Variants in COCH observed in about 807,000 individuals in gnomAD.
COCH encodes the protein coagulation factor C homolog, cochlin (Limulus polyphemus).
A neutral mutation model predicts 54.8 loss-of-function variants in COCH; 40 were observed. That is an observed-to-expected ratio of 0.73 (90% CI 0.57 to 0.95). COCH has a LOEUF of 0.95. Among genes scored for constraint, COCH ranks in the 40% least tolerant of loss-of-function variants. The pLI, the probability that COCH is intolerant of heterozygous loss-of-function variation, is 0.00. For missense variants in COCH, 605 were observed against 675.0 expected, an observed-to-expected ratio of 0.90 and a Z score of 1.15; for synonymous variants, 256 against 237.9, an observed-to-expected ratio of 1.08 and a Z score of -0.70.
chr14:30,882,325 TCAC>T (rs1895640974), intron 8 of COCH, among the ~76,000 whole-genome samples: 1 of 151,762 alleles, frequency 6.6e-6, no homozygotes, highest in African/African-American at 2.4e-5. Flanking sequence ...AGACAAGGTT[TCAC>T]CATGTTGGCC....
In COCH at chr14:30,875,085, G is replaced by C; in HGVS notation, c.64G>C (p.Ala22Pro). The C allele has an allele frequency of 3.2e-6, 5 of 1,585,966 alleles. No individual in the cohort carries two copies. Among genetic ancestry groups the C allele is most frequent in the Non-Finnish European group, 4.3e-6 (5 of 1,166,780 alleles). Residue 22 changes from alanine to proline, a missense_variant, in exon 3 of 12, where the codon GCG (alanine) becomes CCG (proline). Coordinates refer to ENST00000396618, the MANE Select transcript of COCH (RefSeq NM_004086.3). ...GTGTCTGCTGCTGCTGCCGGGGCCC[G>C]CGGGCAGCGAGGGAGCCGGTGAGTG... Reference protein sequence around the residue: ...GVCLLLLPGPAGSEGAAPIAI... With the variant: ...GVCLLLLPGPPGSEGAAPIAI...
At chr14:30,887,299 C>A (rs1446298924) in intron 11 of COCH, among the ~76,000 whole-genome samples, 1 of 151,598 alleles carries the variant, frequency 6.6e-6, no homozygotes, top group Non-Finnish European at 1.5e-5. Context: ...GAGGCTGAGG[C>A]ACGAGAATCA....
chr14:30,882,119 G>GTTTTTT (rs1566410309), intron 8 of COCH, among the ~76,000 whole-genome samples: 1 of 84,902 alleles, frequency 1.2e-5, no homozygotes, highest in African/African-American at 6.0e-5. Flanking sequence ...ACTATAAAAT[G>GTTTTTT]GTTTTTTTTT....
Position 30,890,038 on chromosome 14 carries a change from G to A in COCH, c.*247G>A. ...GCTCTTAGAAACTCAGGAAAGAGGA[G>A]ATAATGTGGATTAAAACCTTAAGAG... On this transcript the variant is annotated 3_prime_UTR_variant, in exon 12 of 12. Transcript: ENST00000396618. 1 of 1,198,426 alleles carries A rather than the reference G, an allele frequency of 8.3e-7. No individual in the cohort carries two copies. The highest frequency in any genetic ancestry group is 1.0e-6 in the Non-Finnish European group (1 of 960,946). The allele number at this position is 1,198,426 out of a possible 1,614,324, so 74.2% of individuals were successfully genotyped here.
rs962847279 is a variant in COCH at position 30,874,898 on chromosome 14, A to G, written c.-23-18A>G. On this transcript the variant is annotated intron_variant, in intron 1 of 11. Coordinates refer to ENST00000396618, the MANE Select transcript of COCH (RefSeq NM_004086.3). ...CCTCCCGCACCCTGGCCTTGCCCGC[A>G]TTCTCCCTCTCTCCCAGGTGTGAGC... 5 of 1,612,184 alleles carry G rather than the reference A, an allele frequency of 3.1e-6. No individual in the cohort carries two copies. The highest frequency in any genetic ancestry group is 1.7e-5 in the Admixed American group (1 of 60,006).
intron 11 of COCH, 34 bp from the exon 12 acceptor site, chr14:30,889,582 A>C (rs1895912289): frequency 1.3e-6 from 2 of 1,596,498 alleles, no homozygotes; most frequent in East Asian, 4.5e-5. Context: ...GCTAGACCTG[A>C]TTTTCAATTC....
At chr14:30,880,307 A>C (rs1051742185) in intron 6 of COCH, 145 bp from the exon 7 acceptor site, 5 of 1,210,576 alleles carry the variant, frequency 4.1e-6, no homozygotes, top group Non-Finnish European at 5.8e-6. Context: ...TGCTTTCCCT[A>C]GTCCAGAAAA....
chr14:30,893,051 T>C (rs1896024302), downstream of COCH, among the ~76,000 whole-genome samples: 1 of 152,128 alleles, frequency 6.6e-6, no homozygotes, highest in African/African-American at 2.4e-5. Flanking sequence ...TTCAAAATAT[T>C]GTTTAACATT....
intron 6 of COCH, 63 bp downstream of exon 6, chr14:30,879,548 GTGT>G (rs1566408427): frequency 6.5e-7 from 1 of 1,532,070 alleles, no homozygotes; most frequent in Non-Finnish European, 9.0e-7. Context: ...ATGAATAAAC[GTGT>G]TGTTGGTAGA....
At chr14:30,895,077 A>AAAAAAAAAAAAAAAAAAAAAAAG (rs1896101873), downstream of COCH, 1 of 184,292 alleles carries the variant, frequency 5.4e-6, no homozygotes, top group African/African-American at 2.9e-5. Flanking sequence ...AAAAAAAAAA[A>AAAAAAAAAAAAAAAAAAAAAAAG]AAGAAGAAGA....
In COCH at chr14:30,889,230, C is replaced by T. The variant is rs116960166; in HGVS notation, c.1478-386C>T. The T allele has an allele frequency of 3.3e-5, 8 of 244,478 alleles. No individual in the cohort carries two copies. In the Admixed American group the frequency reaches 3.6e-4, roughly 11 times the overall value. 15.1% of individuals were successfully genotyped at this position (244,478 alleles called of 1,614,324 possible). A position where few individuals can be genotyped will look rare whatever the true frequency, so the allele number is the denominator to read the frequency against. ...CTGTTTGATGCAGGCCAACCTCATA[C>T]GGAAAATTTTCACCATCCGCATTTA... is the stretch of plus-strand genomic sequence containing the variant. On this transcript the variant is annotated intron_variant, in intron 11 of 11. Coordinates refer to ENST00000396618, the MANE Select transcript of COCH (RefSeq NM_004086.3).
At chr14:30,878,759 G>C (rs755694078) in intron 4 of COCH, 52 bp from the exon 5 acceptor site, 7 of 1,613,460 alleles carry the variant, frequency 4.3e-6, no homozygotes, top group Non-Finnish European at 5.1e-6. Context: ...AAGTCAGTGG[G>C]ATGCCCTGAA....
chr14:30,877,996 TGA>T lies in COCH; in HGVS notation c.239+270_239+271del, dbSNP rs1179249681. ...CATTCCTAATCATGTGATATATTAC[TGA>T]GTTATTACTATGTGCCACCTATTGT... On this transcript the variant is annotated intron_variant, in intron 4 of 11. Coordinates refer to ENST00000396618, the MANE Select transcript of COCH (RefSeq NM_004086.3). The surrounding 1 kb of genome is among the most constrained non-coding windows in gnomAD (Gnocchi z 8.6). Among the ~76,000 whole-genome samples the T allele has an allele frequency of 6.6e-6, 1 of 152,242 alleles. No homozygotes were observed. The highest frequency in any genetic ancestry group is 2.4e-5 in the African/African-American group (1 of 41,468).
intron 8 of COCH, 103 bp downstream of exon 8, chr14:30,880,837 A>G: frequency 1.2e-6 from 1 of 840,070 alleles, no homozygotes; most frequent in Middle Eastern, 3.0e-4. Context: ...GTTTTCATAC[A>G]TACAATGTAT....
chr14:30,889,707 C>A lies in COCH; in HGVS notation c.1569C>A (p.Phe523Leu). The A allele has an allele frequency of 6.2e-7, 1 of 1,614,034 alleles. No homozygotes were observed. Among genetic ancestry groups the A allele is most frequent in the Non-Finnish European group, 8.5e-7 (1 of 1,179,914 alleles). ...ASKPKESHAF[F>L]TREFTGLEPI... ...AACCGAAGGAGTCTCATGCTTTCTTCACAAGAGAGTTCACAGGATTAGAAC... is the reference window on the plus strand; with the variant it reads ...AACCGAAGGAGTCTCATGCTTTCTTAACAAGAGAGTTCACAGGATTAGAAC... The change falls in exon 12 of 12, where the codon TTC (phenylalanine) becomes TTA (leucine). Residue 523 changes from phenylalanine (F) to leucine (L), a missense_variant. By Grantham distance (22) the Phe-to-Leu change is conservative. Coordinates refer to ENST00000396618, the MANE Select transcript of COCH (RefSeq NM_004086.3).
chr14:30,890,689 CTGAAT>C, downstream of COCH: 1 of 507,376 alleles, frequency 2.0e-6, no homozygotes, highest in Non-Finnish European at 2.5e-6. Context: ...AAAGACCAAT[CTGAAT>C]TGTTTTTTAA....
At chr14:30,892,026 G>A (rs1308546056), downstream of COCH, among the ~76,000 whole-genome samples, 1 of 152,110 alleles carries the variant, frequency 6.6e-6, no homozygotes, top group African/African-American at 2.4e-5. Flanking sequence ...TTGAAATAAT[G>A]AGAAAAACAA....
chr14:30,880,493 A>G lies in COCH; in HGVS notation c.478A>G (p.Lys160Glu). The G allele has an allele frequency of 1.2e-6, 2 of 1,614,196 alleles. No homozygotes were observed. The highest frequency in any genetic ancestry group is 1.7e-6 in the Non-Finnish European group (2 of 1,180,040). ...AACACCCGAGAAGAAAACTGGCAAT[A>G]AAGGTAAGAATCAAGATCTCCATTT... ...KKTPEKKTGN[K>E]DCKADIAFLI... The change falls in exon 7 of 12, where the codon AAA becomes GAA. Residue 160 changes from lysine (K) to glutamate (E), a missense_variant. By Grantham distance (56) the Lys-to-Glu change is moderately conservative (BLOSUM62 1). Transcript: ENST00000396618.
chr14:30,877,701 C>T lies in COCH; in HGVS notation c.212C>T (p.Ser71Leu), dbSNP rs781725849. 121 of 1,614,064 alleles carry T rather than the reference C, an allele frequency of 7.5e-5. 1 individual carries two copies. The highest frequency in any genetic ancestry group is 6.6e-4 in the South Asian group (60 of 91,090). The part of the protein sequence containing the change: ...VYGNIVYASV[S>L]SICGAAVHRG... ...GGGAACATAGTATATGCTTCTGTAT[C>T]GAGCATATGTGGGGCTGCTGTCCAC... The change falls in exon 4 of 12, where the codon TCG becomes TTG. Residue 71 changes from serine to leucine, a missense_variant. Ser to Leu is a moderately radical substitution (Grantham distance 145). Coordinates refer to ENST00000396618, the MANE Select transcript of COCH (RefSeq NM_004086.3). This position sits in a 1 kb window ranked among gnomAD's most constrained non-coding sequence, Gnocchi z 8.6.
Sources: allele counts gnomAD v4.1 joint callset (sites outside exome capture counted in the v4.1 genomes callset), GRCh38; gene constraint gnomAD v4.1.1; non-coding constraint Gnocchi (gnomAD v3.1); transcripts MANE v1.5; gene names NCBI Gene and HGNC (gene_info 2026-07-23, HGNC 2026-07-21).